The following ACYP2 variants were observed in gnomAD, a reference collection of about 807,000 sequenced individuals.
ACYP2 encodes acylphosphatase-2.
In ACYP2, 12 loss-of-function variants were observed where a neutral mutation model predicts 11.2. The ratio of observed to expected loss-of-function variants is 1.08; its 90% CI spans 0.69 to 1.74. ACYP2 has a LOEUF of 1.74. Ranked by LOEUF, ACYP2 falls within the 40% of genes most tolerant of loss-of-function variation. ACYP2 has a pLI of 0.00. For missense variants in ACYP2, 134 were observed against 101.9 expected (o/e 1.31, Z -1.35); for synonymous variants, 43 against 32.2 (o/e 1.33, Z -1.13).
At chr2:54,205,366 A>G (rs1168734671) in intron 6 of ACYP2, among the ~76,000 whole-genome samples, 1 of 152,236 alleles carries the variant, frequency 6.6e-6, no homozygotes, top group Non-Finnish European at 1.5e-5. Flanking sequence ...TCTGCAAGGA[A>G]GAGAAGGCTT....
chr2:54,019,340 A>G (rs114810075), intron 2 of ACYP2, among the ~76,000 whole-genome samples: 1,606 of 151,692 alleles, frequency 0.011, 12 homozygotes, highest in Non-Finnish European at 0.015. Flanking sequence ...CTGAAGTGCT[A>G]GGATTACAGG....
chr2:54,088,586 T>G (rs182902162), intron 4 of ACYP2, among the ~76,000 whole-genome samples: 13 of 152,230 alleles, frequency 8.5e-5, no homozygotes, highest in Admixed American at 3.3e-4. Context: ...CACACCCCCT[T>G]TCTCACGGCA....
chr2:54,253,504 T>C (rs750281581), intron 6 of ACYP2: 3 of 152,196 alleles, frequency 2.0e-5, no homozygotes, highest in African/African-American at 4.8e-5. Context: ...ACACCCAAAA[T>C]TGCAGTGTTT....
In ACYP2 at chr2:54,301,198, A is replaced by T. The variant is rs1573076236; in HGVS notation, c.405-3490A>T. Among the ~76,000 whole-genome samples the T allele has an allele frequency of 9.2e-5, 14 of 152,304 alleles. 1 individual carries two copies. In the South Asian group the frequency reaches 2.9e-3, roughly 32 times the overall value. On this transcript the variant is annotated intron_variant, in intron 6 of 6. Coordinates refer to ENST00000607452, the MANE Select transcript of ACYP2 (RefSeq NM_001320586.2). ...GCCATTCAAATGTTTTGCATTTTTT[A>T]AATTTGCTAACATTACCAACATTTT...
chr2:53,972,606 CA>C (rs543328607), intron 1 of ACYP2, among the ~76,000 whole-genome samples: 3,190 of 136,956 alleles, frequency 0.023, 104 homozygotes, highest in African/African-American at 0.078. Flanking sequence ...GACTCCGTCT[CA>C]AAAAAAAAAA....
intron 4 of ACYP2, among the ~76,000 whole-genome samples, chr2:54,093,307 A>T (rs1678334145): frequency 3.3e-5 from 5 of 152,266 alleles, no homozygotes; most frequent in Admixed American, 3.3e-4. Flanking sequence ...CGGAAGAACT[A>T]AAAGTAGAAA....
At chr2:53,999,464 G>C (rs1672708708) in intron 2 of ACYP2, among the ~76,000 whole-genome samples, 1 of 152,152 alleles carries the variant, frequency 6.6e-6, no homozygotes, top group Admixed American at 6.6e-5. Flanking sequence ...GGAACTTCAT[G>C]GGCTCTATTT....
chr2:54,176,343 A>T (rs1683458981), intron 6 of ACYP2, among the ~76,000 whole-genome samples: 1 of 152,182 alleles, frequency 6.6e-6, no homozygotes, highest in African/African-American at 2.4e-5. Flanking sequence ...GAATTGGAGC[A>T]GCCATCTTGA....
At chr2:54,124,270 C>T (rs7586755) in intron 4 of ACYP2, among the ~76,000 whole-genome samples, 2,561 of 152,126 alleles carry the variant, frequency 0.017, 76 homozygotes, top group African/African-American at 0.059. Context: ...TGTGGGCTCA[C>T]CGCAACCTCC....
intron 4 of ACYP2, among the ~76,000 whole-genome samples, chr2:54,095,413 C>T (rs1416831491): frequency 6.6e-6 from 1 of 152,194 alleles, no homozygotes; most frequent in Non-Finnish European, 1.5e-5. Context: ...ACCTCCCAGA[C>T]GGGGTGGTGG....
intron 6 of ACYP2, among the ~76,000 whole-genome samples, chr2:54,201,604 C>CTTTCTTTCTT (rs1320978163): frequency 1.1e-3 from 95 of 83,956 alleles, no homozygotes; most frequent in Non-Finnish European, 1.8e-3. Flanking sequence ...CTCTTTCTTT[C>CTTTCTTTCTT]TTTCTTTCTT....
At chr2:54,274,843 G>T (rs911892845) in intron 6 of ACYP2, among the ~76,000 whole-genome samples, 2 of 152,126 alleles carry the variant, frequency 1.3e-5, no homozygotes, top group African/African-American at 4.8e-5. Flanking sequence ...GCCATGCACG[G>T]TTTCTCCAAC....
chr2:54,191,049 T>A (rs1684217923), intron 6 of ACYP2, among the ~76,000 whole-genome samples: 1 of 152,200 alleles, frequency 6.6e-6, no homozygotes, highest in Non-Finnish European at 1.5e-5. Context: ...CAATTTCTCA[T>A]GCCCCCACTC....
chr2:54,251,395 G>GT (rs956768334), intron 6 of ACYP2, among the ~76,000 whole-genome samples: 2 of 152,016 alleles, frequency 1.3e-5, no homozygotes, highest in African/African-American at 4.8e-5. Context: ...CTTACTTTGG[G>GT]TTTTTCTTAA....
chr2:54,174,567 T>C (rs577646361), intron 6 of ACYP2, among the ~76,000 whole-genome samples: 92 of 152,334 alleles, frequency 6.0e-4, no homozygotes, highest in African/African-American at 1.6e-3. Flanking sequence ...CTATGTTGAA[T>C]AGGAGTGGTG....
chr2:54,264,374 C>A (rs958030545), intron 6 of ACYP2, among the ~76,000 whole-genome samples: 2 of 152,118 alleles, frequency 1.3e-5, no homozygotes, highest in Non-Finnish European at 2.9e-5. Context: ...TTTATTTGGC[C>A]CCGCCCACAT....
intron 2 of ACYP2, among the ~76,000 whole-genome samples, chr2:54,009,553 G>A (rs1426618521): frequency 2.0e-5 from 3 of 152,126 alleles, no homozygotes; most frequent in Admixed American, 6.6e-5. Context: ...CAGCCTGGGG[G>A]ACACGAGTGA....
At chr2:54,034,008 A>G (rs779956166) in intron 2 of ACYP2, among the ~76,000 whole-genome samples, 13 of 152,226 alleles carry the variant, frequency 8.5e-5, no homozygotes, top group Non-Finnish European at 1.2e-4. Context: ...GACCAAATAT[A>G]ATAGTGGTTC....
chr2:54,261,948 T>C (rs1687798407), intron 6 of ACYP2, among the ~76,000 whole-genome samples: 2 of 152,246 alleles, frequency 1.3e-5, no homozygotes, highest in Admixed American at 1.3e-4. Flanking sequence ...CTTTATTGTA[T>C]ATAAATATAG....
Sources: allele counts gnomAD v4.1 joint callset (sites outside exome capture counted in the v4.1 genomes callset), GRCh38; gene constraint gnomAD v4.1.1; transcripts MANE v1.5; gene names NCBI Gene and HGNC (gene_info 2026-07-23, HGNC 2026-07-21).